Variants in RELN observed in about 807,000 individuals in gnomAD.
RELN encodes reelin.
A neutral mutation model predicts 427.6 loss-of-function variants in RELN; 108 were observed. The observed-to-expected ratio is 0.25, with a 90% CI of 0.22 to 0.30. RELN has a LOEUF of 0.30. RELN is among the 10% of genes least tolerant of loss of function. RELN has a pLI of 1.00. For synonymous variants in RELN, 1,524 were observed against 1,513.4 expected, an observed-to-expected ratio of 1.01 and a Z score of -0.16; for missense variants, 3,715 against 4,302.8, an observed-to-expected ratio of 0.86 and a Z score of 3.82.
intron 8 of RELN, among the ~76,000 whole-genome samples, chr7:103,722,611 G>T (rs781636875): frequency 4.6e-5 from 7 of 151,886 alleles, no homozygotes; most frequent in Non-Finnish European, 1.0e-4. Context: ...GAATGCTTTG[G>T]GTAGGAACTT....
chr7:103,723,179 G>T lies in RELN; in HGVS notation c.766C>A (p.Leu256Ile). Residue 256 changes from leucine to isoleucine, a missense_variant, in exon 8 of 65, where the codon CTT becomes ATT. Physicochemically the swap from Leu to Ile is conservative, Grantham distance 5. This residue lies in a region of RELN where 2,208 missense variants were observed against 2,361.7 expected (regional missense o/e 0.93). Transcript: ENST00000428762. ...AGGACAGAAGCTGTTGTTGTATTAA[G>T]GCCTGTGGTAATCTAAAGAAAAAAG... ...YGPRELITTG[L>I]NTTTASVLQF... The T allele has an allele frequency of 6.3e-7, 1 of 1,589,758 alleles. No individual in the cohort carries two copies. The highest frequency in any genetic ancestry group is 8.6e-7 in the Non-Finnish European group (1 of 1,158,284).
Position 103,989,372 on chromosome 7 carries a change from G to GCCA in RELN, c.-17_-16insTGG. On this transcript the variant is annotated 5_prime_UTR_variant, in exon 1 of 65. Coordinates refer to ENST00000428762, the MANE Select transcript of RELN (RefSeq NM_005045.4). The surrounding 1 kb of genome is among the most constrained non-coding windows in gnomAD (Gnocchi z 4.9). The stretch of plus-strand genomic sequence containing the variant: ...TGCGCTCCATGCCGCCGCCGCCGCC[G>GCCA]CCGCCGCCGCGCGCCCTACGCGCCG... 3 of 1,424,974 alleles carry GCCA rather than the reference G, an allele frequency of 2.1e-6. No homozygotes were observed. The highest frequency in any genetic ancestry group is 3.0e-5 in the East Asian group (1 of 33,300). The allele number at this position is 1,424,974 out of a possible 1,614,324, so 88.3% of individuals were successfully genotyped here.
At chr7:103,657,698 G>T (rs2117403585) in intron 12 of RELN, among the ~76,000 whole-genome samples, 1 of 152,194 alleles carries the variant, frequency 6.6e-6, no homozygotes, top group South Asian at 2.1e-4. Flanking sequence ...AATGATGACA[G>T]ATTTTATCTG....
chr7:103,651,613 T>C (rs368007330), intron 15 of RELN, 48 bp downstream of exon 15: 15 of 1,585,364 alleles, frequency 9.5e-6, no homozygotes, highest in Middle Eastern at 1.7e-4. Context: ...ATTTTTATTC[T>C]GCAACATGGA....
chr7:103,550,158 T>G (rs362782), intron 41 of RELN, among the ~76,000 whole-genome samples: 4,521 of 152,328 alleles, frequency 0.03, 174 homozygotes, highest in East Asian at 0.16. Context: ...AAAGTTATGC[T>G]GATGATATAA....
intron 2 of RELN, among the ~76,000 whole-genome samples, chr7:103,869,716 T>C (rs1407882486): frequency 6.6e-6 from 1 of 152,160 alleles, no homozygotes; most frequent in Non-Finnish European, 1.5e-5. Context: ...ATAGTGTGCC[T>C]AGTTATGAAT....
intron 3 of RELN, among the ~76,000 whole-genome samples, chr7:103,794,555 A>G (rs1002332817): frequency 1.3e-5 from 2 of 152,174 alleles, no homozygotes; most frequent in Non-Finnish European, 2.9e-5. Flanking sequence ...AACAACAAAA[A>G]CAGGCAGAAA....
At chr7:103,773,113 TTTCTTTC>T (rs1218000434) in intron 4 of RELN, among the ~76,000 whole-genome samples, 7 of 54,002 alleles carry the variant, frequency 1.3e-4, no homozygotes, top group African/African-American at 3.9e-4. Context: ...TCTTTCTTTC[TTTCTTTC>T]TTTCTTTCTT....
chr7:103,639,338 C>G (rs1453533983), intron 17 of RELN, among the ~76,000 whole-genome samples: 1 of 151,792 alleles, frequency 6.6e-6, no homozygotes. Flanking sequence ...TAAAAAGCCA[C>G]ACTAATCTCA....
Position 103,700,929 on chromosome 7 carries a change from T to C in RELN, c.883A>G (p.Ile295Val), listed in dbSNP as rs1834076706. Residue 295 changes from isoleucine to valine, a missense_variant, in exon 9 of 65, where the codon ATT becomes GTT. By Grantham distance (29) the Ile-to-Val change is conservative. Transcript: ENST00000428762. ...ACAAACCTAATTTTCTCTAGCTGAA[T>C]CCAGTCCGCAGAGTTATTCTTGGCA... ...LYAKNNSADW[I>V]QLEKIRAPSN... 6 of 1,607,570 alleles carry C rather than the reference T, an allele frequency of 3.7e-6. No individual in the cohort carries two copies. The highest frequency in any genetic ancestry group is 5.1e-6 in the Non-Finnish European group (6 of 1,174,190).
intron 1 of RELN, among the ~76,000 whole-genome samples, chr7:103,959,278 C>G (rs35947606): frequency 0.36 from 54,457 of 152,044 alleles, 10,245 homozygotes; most frequent in Non-Finnish European, 0.42. Flanking sequence ...CCTTTCCCTC[C>G]TGCATCAGTT....
At chr7:103,828,025 C>T (rs1793184344) in intron 3 of RELN, among the ~76,000 whole-genome samples, 1 of 151,960 alleles carries the variant, frequency 6.6e-6, no homozygotes, top group South Asian at 2.1e-4. Flanking sequence ...AATGCACTTC[C>T]AATAAACACA....
At chr7:103,828,792 T>C (rs965168079) in intron 3 of RELN, among the ~76,000 whole-genome samples, 9 of 151,956 alleles carry the variant, frequency 5.9e-5, no homozygotes, top group Admixed American at 3.9e-4. Context: ...AATATTTCTA[T>C]ATTCATATAG....
intron 2 of RELN, among the ~76,000 whole-genome samples, chr7:103,860,305 TTAAG>T (rs1300041494): frequency 1.3e-5 from 2 of 152,192 alleles, no homozygotes; most frequent in Non-Finnish European, 2.9e-5. Flanking sequence ...GATTAAGGTA[TTAAG>T]TTTTTGTTTT....
chr7:103,890,298 T>C lies in RELN; in HGVS notation c.337+26777A>G, dbSNP rs551771828. On this transcript the variant is annotated intron_variant, in intron 2 of 64. Transcript: ENST00000428762. Reference sequence around the variant, plus strand: ...AATGTGTCCATCAGACTGTAGAAGATTGTCATTGGGATTCACACTATAACA... The same window carrying C: ...AATGTGTCCATCAGACTGTAGAAGACTGTCATTGGGATTCACACTATAACA... 3.9e-5 allele frequency among the ~76,000 whole-genome samples: 6 copies of C among 152,096 alleles called. No individual in the cohort carries two copies. In the South Asian group the frequency reaches 1.0e-3, roughly 26 times the overall value.
At chr7:103,906,583 T>G (rs1455244211) in intron 2 of RELN, among the ~76,000 whole-genome samples, 1 of 152,152 alleles carries the variant, frequency 6.6e-6, no homozygotes, top group African/African-American at 2.4e-5. Context: ...TGAGCCGTTA[T>G]AGAGCATGGC....
At chr7:103,742,772 C>G (rs757424579) in intron 6 of RELN, among the ~76,000 whole-genome samples, 1 of 152,044 alleles carries the variant, frequency 6.6e-6, no homozygotes, top group Non-Finnish European at 1.5e-5. Flanking sequence ...GTGAAAAGAC[C>G]AAATCTACGT....
At chr7:103,611,878 C>T (rs943929938) in intron 20 of RELN, 75 bp from the exon 21 acceptor site, 64 of 1,102,468 alleles carry the variant, frequency 5.8e-5, no homozygotes, top group Non-Finnish European at 7.8e-5. Flanking sequence ...CTTCACTTCA[C>T]ACTATATACC....
intron 4 of RELN, among the ~76,000 whole-genome samples, chr7:103,775,495 C>T (rs185177035): frequency 6.9e-4 from 105 of 152,034 alleles, no homozygotes; most frequent in African/African-American, 2.5e-3. Flanking sequence ...TCTCAAAAAC[C>T]GATATAATTT....
Sources: allele counts gnomAD v4.1 joint callset (sites outside exome capture counted in the v4.1 genomes callset), GRCh38; gene constraint gnomAD v4.1.1; regional missense constraint gnomAD v4.1.1; non-coding constraint Gnocchi (gnomAD v3.1); transcripts MANE v1.5; gene names NCBI Gene and HGNC (gene_info 2026-07-23, HGNC 2026-07-21).